PLAG1: variants seen among roughly 807,000 people sequenced by gnomAD.
The protein encoded by PLAG1 is zinc finger protein PLAG1.
PLAG1 carries 7 observed loss-of-function variants against 35.5 expected under a neutral mutation model. The observed-to-expected ratio is 0.20, with a 90% CI of 0.11 to 0.37. The LOEUF is 0.37. Ranked by LOEUF, PLAG1 falls within the 10% of genes least tolerant of loss-of-function variation. PLAG1 has a pLI of 1.00. For synonymous variants in PLAG1, 229 were observed against 225.4 expected (o/e 1.02, Z -0.14); for missense variants, 454 against 602.8 (o/e 0.75, Z 2.58).
At chr8:56,196,946 G>C (rs1327519348) in intron 1 of PLAG1, among the ~76,000 whole-genome samples, 1 of 85,522 alleles carries the variant, frequency 1.2e-5, no homozygotes, top group Non-Finnish European at 2.2e-5. Context: ...TCCCTCCCTA[G>C]TGTGCGTGTG....
chr8:56,208,359 T>C lies in PLAG1; in HGVS notation c.-322+2762A>G, dbSNP rs1057143926. Among the ~76,000 whole-genome samples, 6 of 152,276 alleles carry C rather than the reference T, an allele frequency of 3.9e-5. No homozygotes were observed. In the East Asian group the frequency reaches 9.6e-4, roughly 24 times the overall value. On this transcript the variant is annotated intron_variant, in intron 1 of 4. Coordinates refer to ENST00000316981, the MANE Select transcript of PLAG1 (RefSeq NM_002655.3). ...TTTCCAATCAATTTTGATTTAACTG[T>C]GGGTGATGAGATTAATCTTTTAATG...
At chr8:56,193,054 AAAGAT>A (rs1302580190) in intron 1 of PLAG1, among the ~76,000 whole-genome samples, 8 of 152,268 alleles carry the variant, frequency 5.3e-5, no homozygotes, top group African/African-American at 1.9e-4. Context: ...TTTAAAAACA[AAAGAT>A]AAGTAGGCAG....
chr8:56,194,681 G>A (rs1195454430), intron 1 of PLAG1, among the ~76,000 whole-genome samples: 1 of 152,076 alleles, frequency 6.6e-6, no homozygotes, highest in Non-Finnish European at 1.5e-5. Context: ...TGCGTGTGGG[G>A]CAGGAGGCCA....
intron 2 of PLAG1, among the ~76,000 whole-genome samples, chr8:56,176,828 CA>C (rs1336149494): frequency 1.3e-5 from 2 of 151,992 alleles, no homozygotes; most frequent in Non-Finnish European, 2.9e-5. Context: ...GGGGGTACAA[CA>C]AAAATGTTTG....
At chr8:56,205,791 T>C (rs1812682149) in intron 1 of PLAG1, among the ~76,000 whole-genome samples, 1 of 151,972 alleles carries the variant, frequency 6.6e-6, no homozygotes, top group Non-Finnish European at 1.5e-5. Flanking sequence ...ATTCCACTTT[T>C]AAATGTAAGG....
At chr8:56,169,596 T>A (rs1811457678) in intron 3 of PLAG1, among the ~76,000 whole-genome samples, 1 of 152,126 alleles carries the variant, frequency 6.6e-6, no homozygotes, top group Non-Finnish European at 1.5e-5. Context: ...TGGAGTGCAG[T>A]GGGGCAATCA....
At chr8:56,192,397 G>A (rs962330263) in intron 1 of PLAG1, among the ~76,000 whole-genome samples, 4 of 152,206 alleles carry the variant, frequency 2.6e-5, no homozygotes, top group African/African-American at 9.6e-5. Flanking sequence ...AACTAGGGAA[G>A]GCTAAATAAA....
At position 56,162,532 on chromosome 8, in the gene PLAG1, G is replaced by A. The variant is rs1485666581; in HGVS notation, c.*3711C>T. The stretch of plus-strand genomic sequence containing the variant: ...AGGCCTACATATATATCATCTAATG[G>A]CACTTGAATTATAATAAGTCTTAAA... On this transcript the variant is annotated 3_prime_UTR_variant, in exon 5 of 5. Transcript: ENST00000316981. 2 of 211,244 alleles carry A rather than the reference G, an allele frequency of 9.5e-6. No individual in the cohort carries two copies. Among genetic ancestry groups the A allele is most frequent in the African/African-American group, 2.3e-5 (1 of 44,076 alleles). The allele number at this position is 211,244 out of a possible 1,614,324, so 13.1% of individuals were successfully genotyped here.
At chr8:56,183,606 C>A (rs1811935468) in intron 1 of PLAG1, among the ~76,000 whole-genome samples, 1 of 152,112 alleles carries the variant, frequency 6.6e-6, no homozygotes, top group Non-Finnish European at 1.5e-5. Context: ...AGGTAAATTA[C>A]AAACAGAAGA....
At chr8:56,181,415 CAGAGACATGGATGA>C (rs1482840227) in intron 1 of PLAG1, among the ~76,000 whole-genome samples, 4 of 152,172 alleles carry the variant, frequency 2.6e-5, no homozygotes, top group African/African-American at 9.7e-5. Context: ...ATGTCCTTTG[CAGAGACATGGATGA>C]AGCCGGAAAC....
At chr8:56,189,578 G>C (rs1192766664) in intron 1 of PLAG1, among the ~76,000 whole-genome samples, 2 of 152,272 alleles carry the variant, frequency 1.3e-5, no homozygotes, top group South Asian at 4.1e-4. Context: ...GGTCTAGTAA[G>C]GAGGTATCCC....
chr8:56,176,515 T>C (rs975573815), intron 2 of PLAG1, among the ~76,000 whole-genome samples: 1 of 152,082 alleles, frequency 6.6e-6, no homozygotes, highest in Non-Finnish European at 1.5e-5. Context: ...TTTTTTCACA[T>C]GGGGCCATTA....
At chr8:56,169,151 T>C (rs965054075) in intron 3 of PLAG1, among the ~76,000 whole-genome samples, 2 of 152,158 alleles carry the variant, frequency 1.3e-5, no homozygotes, top group African/African-American at 4.8e-5. Flanking sequence ...TCACAAAAAT[T>C]TTAGGCACAC....
At chr8:56,176,310 C>CT (rs1182699427) in intron 2 of PLAG1, among the ~76,000 whole-genome samples, 3 of 150,304 alleles carry the variant, frequency 2.0e-5, no homozygotes, top group African/African-American at 7.3e-5. Context: ...GTCTTGGCCT[C>CT]TCAAAGTGCT....
intron 1 of PLAG1, among the ~76,000 whole-genome samples, chr8:56,199,270 T>C (rs768327584): frequency 2.6e-5 from 4 of 152,160 alleles, no homozygotes; most frequent in African/African-American, 9.7e-5. Context: ...ATGCAGGAGT[T>C]TGCCAAACAT....
At chr8:56,178,715 C>T (rs1248636170) in intron 2 of PLAG1, among the ~76,000 whole-genome samples, 4 of 152,088 alleles carry the variant, frequency 2.6e-5, no homozygotes, top group East Asian at 1.9e-4. Context: ...CCAGTCTCCC[C>T]GTCCTAGGGC....
chr8:56,192,018 A>G (rs1206871798), intron 1 of PLAG1, among the ~76,000 whole-genome samples: 3 of 152,212 alleles, frequency 2.0e-5, no homozygotes, highest in African/African-American at 7.2e-5. Context: ...ATCAAAGGGA[A>G]ATGCAATGAC....
chr8:56,167,038 G>T lies in PLAG1; in HGVS notation c.708C>A (p.His236Gln), dbSNP rs776441621. The change falls in exon 5 of 5, where the codon CAC becomes CAA. Residue 236 changes from histidine (H) to glutamine (Q), a missense_variant. His to Gln is a conservative substitution (Grantham distance 24). Around this residue, in one of 4 missense-constraint regions of PLAG1, gnomAD observed 271 missense variants for 315.6 expected, o/e 0.86. Transcript: ENST00000316981. The surrounding 1 kb of genome is among the most constrained non-coding windows in gnomAD (Gnocchi z 5.9). ...DHLTRHMKKS[H>Q]NQELLKVKTE... ...TTTTGACCTTCAGAAGCTCTTGATT[G>T]TGACTCTTCTTCATATGTCGAGTCA... is the stretch of plus-strand genomic sequence containing the variant. 1 of 1,613,754 alleles carries T rather than the reference G, an allele frequency of 6.2e-7. No individual in the cohort carries two copies. Among genetic ancestry groups the T allele is most frequent in the Non-Finnish European group, 8.5e-7 (1 of 1,179,758 alleles).
chr8:56,200,791 T>G (rs1812525931), intron 1 of PLAG1, among the ~76,000 whole-genome samples: 1 of 152,164 alleles, frequency 6.6e-6, no homozygotes, highest in South Asian at 2.1e-4. Context: ...CATCTCAAGT[T>G]CCACCTCTCC....
Sources: allele counts gnomAD v4.1 joint callset (sites outside exome capture counted in the v4.1 genomes callset), GRCh38; gene constraint gnomAD v4.1.1; regional missense constraint gnomAD v4.1.1; non-coding constraint Gnocchi (gnomAD v3.1); transcripts MANE v1.5; gene names NCBI Gene and HGNC (gene_info 2026-07-23, HGNC 2026-07-21).